Variants in JAKMIP3 observed in about 807,000 individuals in gnomAD.
The protein encoded by JAKMIP3 is Janus kinase and microtubule interacting protein 3, also known as janus kinase and microtubule-interacting protein 3.
A neutral mutation model predicts 118.5 loss-of-function variants in JAKMIP3; 58 were observed. The ratio of observed to expected loss-of-function variants is 0.49; its 90% CI spans 0.40 to 0.61. The LOEUF is 0.61. JAKMIP3 is among the 20% of genes least tolerant of loss of function. The pLI, the probability that JAKMIP3 is intolerant of heterozygous loss-of-function variation, is 0.00. For synonymous variants in JAKMIP3, 486 were observed against 451.2 expected (o/e 1.08, Z -0.98); for missense variants, 950 against 1,109.0 (o/e 0.86, Z 2.04).
intron 1 of JAKMIP3, among the ~76,000 whole-genome samples, chr10:132,085,625 C>T (rs917366864): frequency 6.6e-5 from 10 of 151,962 alleles, no homozygotes; most frequent in Non-Finnish European, 8.8e-5. Context: ...CTCAGCCTCC[C>T]GAGTAGCTGG....
In JAKMIP3 at chr10:132,168,563, C is replaced by A. The variant is rs2059171392; in HGVS notation, c.*633C>A. ...AGACCCCACATCCACCCTCGTTCAT[C>A]ATCATCTCTGTGGGGACAGACAAGA... On this transcript the variant is annotated 3_prime_UTR_variant, in exon 23 of 24. Transcript: ENST00000684848. 2 of 397,360 alleles carry A rather than the reference C, an allele frequency of 5.0e-6. No individual in the cohort carries two copies. Among genetic ancestry groups the A allele is most frequent in the African/African-American group, 2.1e-5 (1 of 47,358 alleles). The allele number at this position is 397,360 out of a possible 1,614,324, so 24.6% of individuals were successfully genotyped here. A position where few individuals can be genotyped will look rare whatever the true frequency, so the allele number is the denominator to read the frequency against.
chr10:132,075,526 C>G (rs2040652612), intron 1 of JAKMIP3, among the ~76,000 whole-genome samples: 1 of 151,254 alleles, frequency 6.6e-6, no homozygotes, highest in South Asian at 2.1e-4. Context: ...CCTTCAATCT[C>G]AGCCTCCCGA....
intron 1 of JAKMIP3, among the ~76,000 whole-genome samples, chr10:132,100,643 C>T (rs777774684): frequency 1.3e-5 from 2 of 152,206 alleles, no homozygotes; most frequent in Admixed American, 6.5e-5. Context: ...CGTCACCTGC[C>T]AACAGCAGCA....
At position 132,109,487 on chromosome 10, in the gene JAKMIP3, CAG is replaced by C. The variant is rs375211345; in HGVS notation, c.135+4549_135+4550del. Among the ~76,000 whole-genome samples the C allele has an allele frequency of 3.9e-4, 59 of 152,294 alleles. 2 individuals are homozygous for C. The East Asian group carries it at 4.3e-3, about 11-fold the overall frequency. ...GCCTGCCCTTGTTCCTGCGCGCCCG[CAG>C]AGAGGTGTGGGTCCCCCTGCGCCCG... On this transcript the variant is annotated intron_variant, in intron 2 of 23. Transcript: ENST00000684848.
chr10:132,050,126 C>G (rs921517273), intron 1 of JAKMIP3, among the ~76,000 whole-genome samples: 6 of 152,148 alleles, frequency 3.9e-5, no homozygotes, highest in Admixed American at 6.5e-5. Context: ...TCTTTTCTCC[C>G]CGGAAGTTCT....
chr10:132,181,854 C>G, intron 23 of JAKMIP3, among the ~76,000 whole-genome samples: 1 of 151,432 alleles, frequency 6.6e-6, no homozygotes, highest in East Asian at 1.9e-4. Context: ...GCCCTCGCTC[C>G]CGCCCCTCAG....
At chr10:132,107,872 T>C (rs1219824911) in intron 2 of JAKMIP3, among the ~76,000 whole-genome samples, 1 of 152,368 alleles carries the variant, frequency 6.6e-6, no homozygotes, top group East Asian at 1.9e-4. Flanking sequence ...GAGACGTTCT[T>C]GCAAGCCAAA....
At chr10:132,047,477 AG>A (rs965709549) in intron 1 of JAKMIP3, among the ~76,000 whole-genome samples, 1 of 152,214 alleles carries the variant, frequency 6.6e-6, no homozygotes, top group African/African-American at 2.4e-5. Context: ...CTTCAGATAA[AG>A]TTCTTTTTCT....
At chr10:132,123,911 G>A (rs79442760) in intron 3 of JAKMIP3, among the ~76,000 whole-genome samples, 1,628 of 152,280 alleles carry the variant, frequency 0.011, 23 homozygotes, top group African/African-American at 0.037. Context: ...AGCTGCCCAC[G>A]GTCCTGGCTG....
At chr10:132,046,613 A>AG (rs1265501206) in intron 1 of JAKMIP3, among the ~76,000 whole-genome samples, 3 of 152,158 alleles carry the variant, frequency 2.0e-5, no homozygotes, top group Non-Finnish European at 4.4e-5. Context: ...CGGCTTATTT[A>AG]TCCATTCTCC....
chr10:132,097,141 G>A (rs1173228278), intron 1 of JAKMIP3, among the ~76,000 whole-genome samples: 1 of 152,214 alleles, frequency 6.6e-6, no homozygotes, highest in South Asian at 2.1e-4. Flanking sequence ...CAAAGGTGTC[G>A]GGAACCTGGG....
In JAKMIP3 at chr10:132,044,148, T is replaced by TG. The variant is rs1254579707; in HGVS notation, c.-138+7417dup. 2.6e-5 allele frequency among the ~76,000 whole-genome samples: 4 copies of TG among 152,066 alleles called. No homozygotes were observed. The highest frequency in any genetic ancestry group is 7.2e-5 in the African/African-American group (3 of 41,412). ...CCCCTGGGACCAGCCCGATGCCTGG[T>TG]GGGGGGGCTTCTCTGGGCCCTCAGC... On this transcript the variant is annotated intron_variant, in intron 1 of 23. Transcript: ENST00000657785. This position sits in a 1 kb window ranked among gnomAD's most constrained non-coding sequence, Gnocchi z 5.3.
intron 21 of JAKMIP3, among the ~76,000 whole-genome samples, chr10:132,165,331 CG>C (rs2058786454): frequency 6.6e-6 from 1 of 152,168 alleles, no homozygotes; most frequent in Non-Finnish European, 1.5e-5. Context: ...GAGTCTCTCC[CG>C]GGGTTGCCTG....
At position 132,167,990 on chromosome 10, in the gene JAKMIP3, C is replaced by T; in HGVS notation, c.*60C>T. 2 of 1,289,626 alleles carry T rather than the reference C, an allele frequency of 1.6e-6. No individual in the cohort carries two copies. The highest frequency in any genetic ancestry group is 2.0e-6 in the Non-Finnish European group (2 of 988,862). The allele number at this position is 1,289,626 out of a possible 1,614,324, so 79.9% of individuals were successfully genotyped here. A position where few individuals can be genotyped will look rare whatever the true frequency, so the allele number is the denominator to read the frequency against. ...TCGGACCCTTTTCCTCCAGTGGGAC[C>T]AGAAAGCAGGGACAAAATGGGACGT... On this transcript the variant is annotated 3_prime_UTR_variant, in exon 23 of 24. Coordinates refer to ENST00000684848, the MANE Select transcript of JAKMIP3 (RefSeq NM_001323087.2).
At chr10:132,161,518 G>GC (rs2058314529) in intron 19 of JAKMIP3, among the ~76,000 whole-genome samples, 1 of 59,196 alleles carries the variant, frequency 1.7e-5, no homozygotes, top group African/African-American at 7.0e-5. Context: ...GTGTGATGCT[G>GC]GGGGGCCTCT....
At chr10:132,138,285 G>C in intron 9 of JAKMIP3, 107 bp downstream of exon 9, 1 of 1,007,468 alleles carries the variant, frequency 9.9e-7, no homozygotes, top group Non-Finnish European at 1.5e-6. Flanking sequence ...GGGGTGCGCC[G>C]GTGTACGTGG....
rs543604271 is a variant in JAKMIP3, at chr10:132,078,921, G to A, written c.-138+12860G>A. ...GGCCGCCGTGCGCCCTGAGCTGCCCGTCACGAGCCGGTGTTGTCTGACTGC... is the reference window on the plus strand; with the variant it reads ...GGCCGCCGTGCGCCCTGAGCTGCCCATCACGAGCCGGTGTTGTCTGACTGC... On this transcript the variant is annotated intron_variant, in intron 1 of 23. Coordinates refer to ENST00000684848, the MANE Select transcript of JAKMIP3 (RefSeq NM_001323087.2). Among the ~76,000 whole-genome samples the A allele has an allele frequency of 1.9e-3, 283 of 152,336 alleles. 1 individual carries two copies. Among genetic ancestry groups the A allele is most frequent in the African/African-American group, 6.0e-3 (251 of 41,572 alleles).
chr10:132,133,670 C>A, intron 4 of JAKMIP3, 143 bp downstream of exon 4: 1 of 708,244 alleles, frequency 1.4e-6, no homozygotes, highest in South Asian at 1.8e-5. Context: ...ACCTCCCCAC[C>A]CAGCCTGGCC....
At chr10:132,074,124 T>C (rs1484965603) in intron 1 of JAKMIP3, among the ~76,000 whole-genome samples, 1 of 152,244 alleles carries the variant, frequency 6.6e-6, no homozygotes, top group Non-Finnish European at 1.5e-5. Context: ...CAATCTCGGC[T>C]CATTGCAACC....
Sources: gnomAD v4.1 joint callset for allele counts (sites outside exome capture counted in the v4.1 genomes callset) on GRCh38, gnomAD v4.1.1 for gene constraint, Gnocchi (gnomAD v3.1) non-coding constraint, MANE v1.5 for transcripts, NCBI Gene and HGNC (gene_info 2026-07-23, HGNC 2026-07-21) for gene names.